The following KCNJ6 variants were observed in gnomAD, a reference collection of about 807,000 sequenced individuals.
KCNJ6 encodes G protein-activated inward rectifier potassium channel 2.
Under a neutral mutation model 34.2 loss-of-function variants are expected in KCNJ6, and 9 were observed. The ratio of observed to expected loss-of-function variants is 0.26; its 90% CI spans 0.16 to 0.46. The LOEUF (loss-of-function observed/expected upper bound fraction) is 0.46. KCNJ6 is among the 20% of genes least tolerant of loss of function. The pLI is 1.00. For missense variants in KCNJ6, 236 were observed against 531.3 expected, an observed-to-expected ratio of 0.44 and a Z score of 5.46; for synonymous variants, 196 against 207.1, an observed-to-expected ratio of 0.95 and a Z score of 0.46.
intron 2 of KCNJ6, among the ~76,000 whole-genome samples, chr21:37,833,798 A>G (rs991984): frequency 0.53 from 80,502 of 152,116 alleles, 22,714 homozygotes; most frequent in South Asian, 0.74. Flanking sequence ...CTTTCCCAAA[A>G]GGCACACTGA....
In KCNJ6 at chr21:37,715,136, T is replaced by A; in HGVS notation, c.26-5A>T. The A allele has an allele frequency of 6.2e-7, 1 of 1,602,358 alleles. No individual in the cohort carries two copies. The highest frequency in any genetic ancestry group is 8.5e-7 in the Non-Finnish European group (1 of 1,174,698). On this transcript the variant is annotated splice_region_variant and splice_polypyrimidine_tract_variant and intron_variant, in intron 2 of 3. Coordinates refer to ENST00000609713, the MANE Select transcript of KCNJ6 (RefSeq NM_002240.5). ...AGTCGCCCTCCAGGACGTTAGCTGGTGGTTTGGAGAAAAGAAAAGAAACAC... is the reference window on the plus strand; with the variant it reads ...AGTCGCCCTCCAGGACGTTAGCTGGAGGTTTGGAGAAAAGAAAAGAAACAC...
intron 2 of KCNJ6, among the ~76,000 whole-genome samples, chr21:37,730,676 G>A (rs858029): frequency 6.6e-6 from 1 of 152,338 alleles, no homozygotes; most frequent in East Asian, 1.9e-4. Context: ...GAAGCTAAGA[G>A]CCTGCTTGGT....
rs974537362 is a variant in KCNJ6, at chr21:37,744,168, G to T, written c.26-29037C>A. Among the ~76,000 whole-genome samples, 381 of 128,650 alleles carry T rather than the reference G, an allele frequency of 3.0e-3. 1 individual carries two copies. Among genetic ancestry groups the T allele is most frequent in the African/African-American group, 0.011 (367 of 34,362 alleles). The allele number at this position is 128,650 out of a possible 152,430, so 84.4% of individuals were successfully genotyped here. A position where few individuals can be genotyped will look rare whatever the true frequency, so the allele number is the denominator to read the frequency against. ...CACACACCGGGGACTGTTGTGGGGT[G>T]GGGGGAGGGGGGAGGGATAGCATTA... On this transcript the variant is annotated intron_variant, in intron 2 of 3. Transcript: ENST00000609713.
intron 2 of KCNJ6, among the ~76,000 whole-genome samples, chr21:37,790,232 C>T (rs1466816765): frequency 6.6e-6 from 1 of 152,090 alleles, no homozygotes; most frequent in Admixed American, 6.6e-5. Context: ...TGAATTGTGA[C>T]TAGGAGATAT....
intron 2 of KCNJ6, among the ~76,000 whole-genome samples, chr21:37,778,384 T>G (rs958004439): frequency 6.6e-6 from 1 of 152,200 alleles, no homozygotes; most frequent in Non-Finnish European, 1.5e-5. Context: ...AATAGACAAC[T>G]GTAGCTTCCT....
chr21:37,873,114 C>T (rs1601511382), intron 1 of KCNJ6, among the ~76,000 whole-genome samples: 1 of 152,310 alleles, frequency 6.6e-6, no homozygotes, highest in East Asian at 1.9e-4. Context: ...GTTTCTCCTG[C>T]TGGGCTGAAG....
intron 2 of KCNJ6, among the ~76,000 whole-genome samples, chr21:37,774,350 T>TC (rs1267473775): frequency 3.3e-5 from 5 of 152,056 alleles, no homozygotes; most frequent in Admixed American, 1.3e-4. Context: ...TTAGGGCTAT[T>TC]CTTTTTTTTT....
chr21:37,913,424 T>C (rs954962931), intron 1 of KCNJ6, among the ~76,000 whole-genome samples: 1 of 152,194 alleles, frequency 6.6e-6, no homozygotes, highest in Non-Finnish European at 1.5e-5. Context: ...TAACAAACTC[T>C]CTCTCCTTTT....
rs1254802717 is a variant in KCNJ6, at chr21:37,610,941, G to T, written c.*14218C>A. 1 of 151,890 alleles carries T rather than the reference G, an allele frequency of 6.6e-6. No homozygotes were observed. The highest frequency in any genetic ancestry group is 2.4e-5 in the African/African-American group (1 of 41,368). The allele number at this position is 151,890 out of a possible 1,614,324, so 9.4% of individuals were successfully genotyped here. ...TCCATTTTAAAAAAGTAGAAAAAAA[G>T]AGCAAATTAAACCCAAAGTAAGCCA... On this transcript the variant is annotated 3_prime_UTR_variant, in exon 4 of 4. Coordinates refer to ENST00000609713, the MANE Select transcript of KCNJ6 (RefSeq NM_002240.5).
rs915154336 is a variant in KCNJ6, at chr21:37,619,306, T to G, written c.*5853A>C. 1 of 152,204 alleles carries G rather than the reference T, an allele frequency of 6.6e-6. No individual in the cohort carries two copies. Among genetic ancestry groups the G allele is most frequent in the Non-Finnish European group, 1.5e-5 (1 of 68,036 alleles). The allele number at this position is 152,204 out of a possible 1,614,324, so 9.4% of individuals were successfully genotyped here. The stretch of plus-strand genomic sequence containing the variant: ...GTGACACAAAGAATGCCATTTAATA[T>G]TGACTCATCTAAAAACCCCAAGGTC... On this transcript the variant is annotated 3_prime_UTR_variant, in exon 4 of 4. Transcript: ENST00000609713.
At chr21:37,627,576 A>G (rs1448942999) in intron 3 of KCNJ6, among the ~76,000 whole-genome samples, 1 of 152,234 alleles carries the variant, frequency 6.6e-6, no homozygotes, top group Non-Finnish European at 1.5e-5. Flanking sequence ...GTGGCTAGAA[A>G]ATAGGGCTGT....
chr21:37,837,310 G>A (rs186419137), intron 2 of KCNJ6, among the ~76,000 whole-genome samples: 17 of 151,970 alleles, frequency 1.1e-4, no homozygotes, highest in East Asian at 5.8e-4. Flanking sequence ...CAGCAAAGTC[G>A]TCAGAAAAAT....
chr21:37,812,617 C>G lies in KCNJ6; in HGVS notation c.25+28041G>C, dbSNP rs561641072. Among the ~76,000 whole-genome samples the G allele has an allele frequency of 3.3e-5, 5 of 152,216 alleles. No individual in the cohort carries two copies. The South Asian group carries it at 1.0e-3, about 32-fold the overall frequency. ...GCATGCAAGGATGGTTCAACATACG[C>G]AAATCAATCAATGTGATACATCATA... On this transcript the variant is annotated intron_variant, in intron 2 of 3. Transcript: ENST00000609713.
At chr21:37,759,678 C>T (rs1480845218) in intron 2 of KCNJ6, among the ~76,000 whole-genome samples, 1 of 152,202 alleles carries the variant, frequency 6.6e-6, no homozygotes, top group Non-Finnish European at 1.5e-5. Flanking sequence ...CCTTTCCTGG[C>T]ATCTATATCA....
intron 3 of KCNJ6, among the ~76,000 whole-genome samples, chr21:37,659,838 A>G (rs1403629899): frequency 1.3e-5 from 2 of 152,234 alleles, no homozygotes; most frequent in African/African-American, 4.8e-5. Flanking sequence ...AGTGATTCAA[A>G]ACCTTTTATA....
chr21:37,892,997 C>T (rs916270511), intron 1 of KCNJ6, among the ~76,000 whole-genome samples: 3 of 151,594 alleles, frequency 2.0e-5, no homozygotes, highest in African/African-American at 7.3e-5. Flanking sequence ...GGACTACAGG[C>T]GCCCGCCACC....
At chr21:37,881,722 G>A (rs1305639062) in intron 1 of KCNJ6, among the ~76,000 whole-genome samples, 3 of 151,966 alleles carry the variant, frequency 2.0e-5, no homozygotes, top group African/African-American at 7.3e-5. Context: ...CCTCATGATG[G>A]GCCCCACCTT....
rs1368142447 is a variant in KCNJ6, at chr21:37,623,053, CCTT to C, written c.*2103_*2105del. The C allele has an allele frequency of 1.3e-5, 2 of 152,232 alleles. No homozygotes were observed. The highest frequency in any genetic ancestry group is 6.5e-5 in the Admixed American group (1 of 15,284). 9.4% of individuals were successfully genotyped at this position (152,232 alleles called of 1,614,324 possible). The stretch of plus-strand genomic sequence containing the variant: ...GCTTCCTCCTCCCGGACCACCACCT[CCTT>C]CTTAGAGTGTGCGAAATAAAGAAAT... On this transcript the variant is annotated 3_prime_UTR_variant, in exon 4 of 4. Coordinates refer to ENST00000609713, the MANE Select transcript of KCNJ6 (RefSeq NM_002240.5).
At chr21:37,804,887 A>G (rs1286415795) in intron 2 of KCNJ6, among the ~76,000 whole-genome samples, 4 of 152,198 alleles carry the variant, frequency 2.6e-5, no homozygotes, top group Non-Finnish European at 5.9e-5. Flanking sequence ...ACAACAGCCA[A>G]AAAAGTGGAA....
Sources: allele counts gnomAD v4.1 joint callset (sites outside exome capture counted in the v4.1 genomes callset), GRCh38; gene constraint gnomAD v4.1.1; transcripts MANE v1.5; gene names NCBI Gene and HGNC (gene_info 2026-07-23, HGNC 2026-07-21).